Variants in KCNT2 observed in about 807,000 individuals in gnomAD.
KCNT2 encodes potassium channel subfamily T member 2.
In KCNT2, 67 loss-of-function variants were observed where a neutral mutation model predicts 153.8. The observed-to-expected ratio is 0.44, with a 90% CI of 0.36 to 0.53. The LOEUF (loss-of-function observed/expected upper bound fraction) is 0.53. KCNT2 is among the 20% of genes least tolerant of loss of function. The pLI is 0.00. For synonymous variants in KCNT2, 500 were observed against 458.8 expected (o/e 1.09, Z -1.15); for missense variants, 975 against 1,354.8 (o/e 0.72, Z 4.40).
intron 21 of KCNT2, among the ~76,000 whole-genome samples, chr1:196,306,165 T>C (rs911368291): frequency 6.6e-6 from 1 of 152,150 alleles, no homozygotes; most frequent in African/African-American, 2.4e-5. Flanking sequence ...GTATTCTCTG[T>C]GGCAGCCACT....
At chr1:196,309,927 G>A (rs960081316) in intron 21 of KCNT2, among the ~76,000 whole-genome samples, 4 of 151,676 alleles carry the variant, frequency 2.6e-5, no homozygotes, top group Admixed American at 1.3e-4. Context: ...CAATTACTTC[G>A]TGTTCTGACT....
chr1:196,236,928 G>C (rs1260487312), intron 26 of KCNT2, among the ~76,000 whole-genome samples: 1 of 151,262 alleles, frequency 6.6e-6, no homozygotes, highest in Non-Finnish European at 1.5e-5. Flanking sequence ...TTCCTCCCAT[G>C]GGTAAAGTTT....
chr1:196,472,621 T>C (rs971346762), intron 5 of KCNT2, among the ~76,000 whole-genome samples: 5 of 152,194 alleles, frequency 3.3e-5, no homozygotes, highest in Non-Finnish European at 5.9e-5. Context: ...ACTTTATATA[T>C]AGTATGTCTA....
At chr1:196,334,729 G>T (rs1664840843) in intron 16 of KCNT2, among the ~76,000 whole-genome samples, 1 of 152,008 alleles carries the variant, frequency 6.6e-6, no homozygotes, top group Non-Finnish European at 1.5e-5. Context: ...CTTGAGATCT[G>T]TAGAGAAGAC....
At chr1:196,241,995 A>G (rs1655001688) in intron 26 of KCNT2, among the ~76,000 whole-genome samples, 1 of 152,076 alleles carries the variant, frequency 6.6e-6, no homozygotes, top group African/African-American at 2.4e-5. Context: ...AATATATATG[A>G]TTTCTTCAAT....
intron 2 of KCNT2, among the ~76,000 whole-genome samples, chr1:196,491,835 T>C (rs1281865990): frequency 1.3e-5 from 2 of 152,044 alleles, no homozygotes; most frequent in Non-Finnish European, 2.9e-5. Context: ...TTTCTTATTA[T>C]TTGGAATGAT....
chr1:196,455,182 G>A (rs184704343), intron 8 of KCNT2, among the ~76,000 whole-genome samples: 2 of 151,994 alleles, frequency 1.3e-5, no homozygotes, highest in African/African-American at 4.8e-5. Context: ...TCTTGTAAGA[G>A]CTCATATGAT....
At chr1:196,366,753 T>C (rs1467276222) in intron 14 of KCNT2, among the ~76,000 whole-genome samples, 1 of 152,142 alleles carries the variant, frequency 6.6e-6, no homozygotes, top group Non-Finnish European at 1.5e-5. Context: ...TATTGTTTAT[T>C]TTGTCTCTCC....
chr1:196,264,757 G>A (rs1302110177), intron 25 of KCNT2, among the ~76,000 whole-genome samples: 5 of 151,948 alleles, frequency 3.3e-5, no homozygotes, highest in Admixed American at 2.0e-4. Context: ...TCAGACTCCC[G>A]AGCAGCTAAG....
chr1:196,238,802 T>G (rs920737681), intron 26 of KCNT2, among the ~76,000 whole-genome samples: 1 of 151,902 alleles, frequency 6.6e-6, no homozygotes, highest in Non-Finnish European at 1.5e-5. Context: ...GCATGCTGTG[T>G]ACATGTACCC....
At chr1:196,577,557 G>C (rs1423856060) in intron 1 of KCNT2, among the ~76,000 whole-genome samples, 1 of 152,154 alleles carries the variant, frequency 6.6e-6, no homozygotes, top group Non-Finnish European at 1.5e-5. Flanking sequence ...GCTGACCCTT[G>C]ATTAACATAT....
chr1:196,351,712 A>G (rs574890427), intron 14 of KCNT2, among the ~76,000 whole-genome samples: 6 of 152,104 alleles, frequency 3.9e-5, no homozygotes, highest in Admixed American at 1.3e-4. Flanking sequence ...CTCCTGCCTA[A>G]TTGCCCTGGC....
Position 196,228,319 on chromosome 1 carries a change from C to T in KCNT2, c.3313G>A (p.Asp1105Asn). ...LNDVVYLIRP[D>N]PLAYLPNSEP... ...CTGTTTGGAAGGTAGGCCAGTGGAT[C>T]TGGTCGAATTAAGTATCTAATAAAA... Residue 1105 changes from aspartate to asparagine, a missense_variant, in exon 28 of 28, where the codon GAT (aspartate) becomes AAT (asparagine). Physicochemically the swap from Asp to Asn is conservative, Grantham distance 23 (BLOSUM62 1). This residue lies in a region of KCNT2 where 241 missense variants were observed against 271.1 expected (regional missense o/e 0.89). Transcript: ENST00000294725. The T allele has an allele frequency of 6.2e-7, 1 of 1,601,468 alleles. No homozygotes were observed. Among genetic ancestry groups the T allele is most frequent in the Non-Finnish European group, 8.5e-7 (1 of 1,170,016 alleles).
Position 196,414,157 on chromosome 1 carries a change from T to G in KCNT2, c.1185+8893A>C, listed in dbSNP as rs890751924. 2.0e-5 allele frequency among the ~76,000 whole-genome samples: 3 copies of G among 151,718 alleles called. No homozygotes were observed. The East Asian group carries it at 5.8e-4, about 29-fold the overall frequency. On this transcript the variant is annotated intron_variant, in intron 12 of 27. Transcript: ENST00000294725. ...AGGAAAATCACTTCAAAGTTATGCCTAATATTAACAATTCAATTATACAGA... is the reference window on the plus strand; with the variant it reads ...AGGAAAATCACTTCAAAGTTATGCCGAATATTAACAATTCAATTATACAGA...
At chr1:196,252,662 T>C (rs946468559) in intron 26 of KCNT2, among the ~76,000 whole-genome samples, 1 of 151,660 alleles carries the variant, frequency 6.6e-6, no homozygotes, top group Non-Finnish European at 1.5e-5. Flanking sequence ...AGCTTGCATG[T>C]TTACCTATAT....
chr1:196,380,792 C>CA (rs1423232764), intron 13 of KCNT2, among the ~76,000 whole-genome samples: 4 of 152,058 alleles, frequency 2.6e-5, no homozygotes, highest in Non-Finnish European at 2.9e-5. Context: ...TTTATTGCTA[C>CA]AAAAAATTGT....
At chr1:196,498,477 A>G (rs1214065745) in intron 1 of KCNT2, among the ~76,000 whole-genome samples, 2 of 152,152 alleles carry the variant, frequency 1.3e-5, no homozygotes, top group South Asian at 2.1e-4. Context: ...GTCCATATAT[A>G]AGATTTTTAT....
intron 8 of KCNT2, among the ~76,000 whole-genome samples, chr1:196,454,203 TA>T (rs914638304): frequency 6.6e-6 from 1 of 151,974 alleles, no homozygotes; most frequent in African/African-American, 2.4e-5. Context: ...GCAAATGCAT[TA>T]ATTTTATTTT....
intron 1 of KCNT2, among the ~76,000 whole-genome samples, chr1:196,503,981 G>A (rs886662042): frequency 2.6e-5 from 4 of 152,118 alleles, no homozygotes; most frequent in Non-Finnish European, 5.9e-5. Context: ...ATTGTATAGC[G>A]TGGAATACAT....
Sources: allele counts gnomAD v4.1 joint callset (sites outside exome capture counted in the v4.1 genomes callset), GRCh38; gene constraint gnomAD v4.1.1; regional missense constraint gnomAD v4.1.1; transcripts MANE v1.5; gene names NCBI Gene and HGNC (gene_info 2026-07-23, HGNC 2026-07-21).